Variants in ACACA observed in about 807,000 individuals in gnomAD.
ACACA encodes acetyl-CoA carboxylase 1.
Under a neutral mutation model 296.1 loss-of-function variants are expected in ACACA, and 103 were observed. That is an observed-to-expected ratio of 0.35 (90% CI 0.30 to 0.41). The LOEUF (loss-of-function observed/expected upper bound fraction) is 0.41. Ranked by LOEUF, ACACA falls within the 10% of genes least tolerant of loss-of-function variation. ACACA has a pLI of 1.00. For missense variants in ACACA, 1,554 were observed against 2,989.7 expected, an observed-to-expected ratio of 0.52 and a Z score of 11.20; for synonymous variants, 953 against 1,038.6, an observed-to-expected ratio of 0.92 and a Z score of 1.58.
intron 1 of ACACA, among the ~76,000 whole-genome samples, chr17:37,359,407 GGCGGGCGGGCCGCGGGCGGGCC>G (rs72140314): frequency 7.7e-4 from 117 of 151,630 alleles, no homozygotes; most frequent in African/African-American, 2.5e-3. Context: ...GCGGCTAGAG[GGCGGGCGGGCCGCGGGCGGGCC>G]GCGGGCGGGC....
chr17:37,117,199 T>C (rs763792899), intron 50 of ACACA, among the ~76,000 whole-genome samples: 3 of 152,224 alleles, frequency 2.0e-5, no homozygotes, highest in Non-Finnish European at 2.9e-5. Context: ...ACAGATCTTA[T>C]TGGCTTGGGC....
At chr17:37,337,007 G>A (rs1398696057) in intron 2 of ACACA, among the ~76,000 whole-genome samples, 2 of 152,056 alleles carry the variant, frequency 1.3e-5, no homozygotes, top group African/African-American at 4.8e-5. Flanking sequence ...GTGGTCCCTG[G>A]ACCATTGGCA....
chr17:37,387,297 T>C (rs527265664), intron 1 of ACACA: 1 of 151,630 alleles, frequency 6.6e-6, no homozygotes, highest in African/African-American at 2.4e-5. Context: ...TTTTTGTATT[T>C]TTAGCAGAGA....
intron 46 of ACACA, 83 bp from the exon 47 acceptor site, chr17:37,129,568 G>A (rs1411142680): frequency 1.3e-6 from 2 of 1,577,464 alleles, no homozygotes; most frequent in African/African-American, 2.7e-5. Flanking sequence ...TATAGACAAA[G>A]ACAGCAGGGC....
At position 37,131,938 on chromosome 17, in the gene ACACA, G is replaced by A. The variant is rs544229701; in HGVS notation, c.5680-1720C>T. ...CTCGTGAAGAGGGAAGACGGTATCT[G>A]ACCACTGAGCTCCCATCCGCCTCTC... On this transcript the variant is annotated intron_variant, in intron 45 of 55. Coordinates refer to ENST00000616317, the MANE Select transcript of ACACA (RefSeq NM_198834.3). 2.6e-5 allele frequency among the ~76,000 whole-genome samples: 4 copies of A among 152,326 alleles called. No homozygotes were observed. In the South Asian group the frequency reaches 8.3e-4, roughly 32 times the overall value.
At chr17:37,358,620 CCAG>C (rs2049255348) in intron 1 of ACACA, among the ~76,000 whole-genome samples, 2 of 152,174 alleles carry the variant, frequency 1.3e-5, no homozygotes, top group Non-Finnish European at 2.9e-5. Flanking sequence ...TCTCCCGAGC[CCAG>C]AATCGGATTG....
chr17:37,166,727 C>A (rs913409931), intron 41 of ACACA, among the ~76,000 whole-genome samples: 2 of 152,144 alleles, frequency 1.3e-5, no homozygotes, highest in African/African-American at 4.8e-5. Flanking sequence ...GACACTTAAC[C>A]TTTTACAGTT....
chr17:37,360,001 G>A (rs1014356897), intron 1 of ACACA, among the ~76,000 whole-genome samples: 3 of 152,134 alleles, frequency 2.0e-5, no homozygotes, highest in Non-Finnish European at 2.9e-5. Flanking sequence ...TCGGATTGGA[G>A]AATGCTTCCC....
chr17:37,232,120 G>A (rs2079888755), intron 25 of ACACA, among the ~76,000 whole-genome samples: 1 of 152,114 alleles, frequency 6.6e-6, no homozygotes, highest in African/African-American at 2.4e-5. Flanking sequence ...GCTAACACCT[G>A]GAGAGGATGA....
chr17:37,277,547 C>A (rs2082332445), intron 6 of ACACA, among the ~76,000 whole-genome samples: 1 of 152,168 alleles, frequency 6.6e-6, no homozygotes, highest in African/African-American at 2.4e-5. Flanking sequence ...AACTTACTAA[C>A]ACAATGTGAC....
chr17:37,222,816 T>G (rs886339041), intron 28 of ACACA, among the ~76,000 whole-genome samples: 1 of 152,222 alleles, frequency 6.6e-6, no homozygotes, highest in Non-Finnish European at 1.5e-5. Context: ...AAAACAACTA[T>G]TTGGCAACTT....
chr17:37,380,117 C>T (rs1418370932), intron 1 of ACACA, among the ~76,000 whole-genome samples: 2 of 152,006 alleles, frequency 1.3e-5, no homozygotes, highest in Admixed American at 1.3e-4. Context: ...GAGTTCATGT[C>T]CTTTGTAGGG....
chr17:37,289,606 T>C lies in ACACA; in HGVS notation c.339-4636A>G, dbSNP rs1053553053. 36 of 793,246 alleles carry C rather than the reference T, an allele frequency of 4.5e-5. 1 individual carries two copies. The highest frequency in any genetic ancestry group is 4.4e-4 in the South Asian group (34 of 76,840). 49.1% of individuals were successfully genotyped at this position (793,246 alleles called of 1,614,324 possible). A position where few individuals can be genotyped will look rare whatever the true frequency, so the allele number is the denominator to read the frequency against. On this transcript the variant is annotated intron_variant, in intron 3 of 55. Transcript: ENST00000616317. Reference sequence around the variant, plus strand: ...GAACTTCCATTTTTCCATTACCCCATATACATTTAGATACCTAACCAATAC... The same window carrying C: ...GAACTTCCATTTTTCCATTACCCCACATACATTTAGATACCTAACCAATAC...
chr17:37,192,488 C>T (rs1212322127), intron 36 of ACACA, among the ~76,000 whole-genome samples, 183 bp from the exon 37 acceptor site: 2 of 152,032 alleles, frequency 1.3e-5, no homozygotes, highest in Non-Finnish European at 2.9e-5. Context: ...CACTAAAGTA[C>T]CTATTATATA....
At chr17:37,275,301 G>T (rs2146462550) in intron 8 of ACACA, among the ~76,000 whole-genome samples, 1 of 152,130 alleles carries the variant, frequency 6.6e-6, no homozygotes, top group South Asian at 2.1e-4. Context: ...TTCAACACCA[G>T]CCTGGCCAAG....
chr17:37,406,205 A>C (rs999083650), intron 1 of ACACA, 57 bp downstream of exon 1: 2 of 1,590,876 alleles, frequency 1.3e-6, no homozygotes, highest in Non-Finnish European at 1.7e-6. Flanking sequence ...AGTACTCGAC[A>C]AATGGTAGCT....
At chr17:37,376,101 C>G (rs769203964) in intron 1 of ACACA, 1 of 1,612,580 alleles carries the variant, frequency 6.2e-7, no homozygotes, top group South Asian at 1.1e-5. Flanking sequence ...ACATGGATAC[C>G]ATCTTGGTCT....
chr17:37,268,818 G>C (rs1598362453), intron 10 of ACACA, among the ~76,000 whole-genome samples: 1 of 146,146 alleles, frequency 6.8e-6, no homozygotes, highest in Admixed American at 6.8e-5. Context: ...AGTTTATTCA[G>C]CCAACTAGTA....
At chr17:37,281,608 C>T (rs1038920750) in intron 5 of ACACA, among the ~76,000 whole-genome samples, 47 of 152,138 alleles carry the variant, frequency 3.1e-4, no homozygotes, top group African/African-American at 1.1e-3. Context: ...TGGCTTACAC[C>T]TGTAATCCTA....
Sources: allele counts gnomAD v4.1 joint callset (sites outside exome capture counted in the v4.1 genomes callset), GRCh38; gene constraint gnomAD v4.1.1; transcripts MANE v1.5; gene names NCBI Gene and HGNC (gene_info 2026-07-23, HGNC 2026-07-21).